KLRD1: variants seen among roughly 807,000 people sequenced by gnomAD.
KLRD1 encodes the protein killer cell lectin like receptor D1, also known as natural killer cells antigen CD94.
KLRD1 carries 21 observed loss-of-function variants against 22.6 expected under a neutral mutation model. The observed-to-expected ratio is 0.93, with a 90% CI of 0.66 to 1.34. KLRD1 has a LOEUF of 1.34. KLRD1 is among the 40% of genes most tolerant of loss of function. The pLI is 0.00. For missense variants in KLRD1, 183 were observed against 208.6 expected, an observed-to-expected ratio of 0.88 and a Z score of 0.76; for synonymous variants, 59 against 71.1, an observed-to-expected ratio of 0.83 and a Z score of 0.85.
Position 10,327,086 on chromosome 12 carries a change from A to G in KLRD1, c.*12293A>G, listed in dbSNP as rs1950368317. ...ATCCATTTGAAATTTATTTTTGCAT[A>G]TGGTGTAAGATAAGCAATTTCTTTG... On this transcript the variant is annotated 3_prime_UTR_variant, in exon 6 of 6. Coordinates refer to ENST00000336164, the MANE Select transcript of KLRD1 (RefSeq NM_002262.5). The G allele has an allele frequency of 6.6e-6, 1 of 152,176 alleles. No individual in the cohort carries two copies. Among genetic ancestry groups the G allele is most frequent in the African/African-American group, 2.4e-5 (1 of 41,450 alleles). The allele number at this position is 152,176 out of a possible 1,614,324, so 9.4% of individuals were successfully genotyped here.
intron 1 of KLRD1, among the ~76,000 whole-genome samples, chr12:10,289,062 A>G (rs1360810223): frequency 1.3e-5 from 2 of 152,168 alleles, no homozygotes; most frequent in African/African-American, 4.8e-5. Flanking sequence ...AGAGCTTTGC[A>G]ATGTAGACAG....
intron 1 of KLRD1, among the ~76,000 whole-genome samples, chr12:10,278,888 G>T (rs1164848785): frequency 6.6e-6 from 1 of 151,226 alleles, no homozygotes; most frequent in Non-Finnish European, 1.5e-5. Context: ...TTCTTAAAGG[G>T]AATGTTAAAT....
In KLRD1 at chr12:10,321,176, C is replaced by G. The variant is rs1298663206; in HGVS notation, c.*6383C>G. The G allele has an allele frequency of 2.0e-5, 3 of 152,178 alleles. No individual in the cohort carries two copies. Among genetic ancestry groups the G allele is most frequent in the African/African-American group, 7.2e-5 (3 of 41,422 alleles). The allele number at this position is 152,178 out of a possible 1,614,324, so 9.4% of individuals were successfully genotyped here. On this transcript the variant is annotated 3_prime_UTR_variant, in exon 6 of 6. Transcript: ENST00000336164. ...ATTTTAAATTATTATGCATCAGTGA[C>G]TCCTTTGTAATTCTCATGCCCCTCC...
rs1254290120 is a variant in KLRD1 at position 10,315,751 on chromosome 12, C to G, written c.*958C>G. 6.6e-6 allele frequency: 1 copy of G among 151,666 alleles called. No individual in the cohort carries two copies. Among genetic ancestry groups the G allele is most frequent in the Non-Finnish European group, 1.5e-5 (1 of 67,896 alleles). The allele number at this position is 151,666 out of a possible 1,614,324, so 9.4% of individuals were successfully genotyped here. ...TGATTTTAACACTTAGAGTGGTTTT[C>G]TCTGTTATGAATCAAAGCTGATCTA... is the stretch of plus-strand genomic sequence containing the variant. On this transcript the variant is annotated 3_prime_UTR_variant, in exon 6 of 6. Transcript: ENST00000336164.
At chr12:10,279,060 TG>T (rs1293267538) in intron 1 of KLRD1, among the ~76,000 whole-genome samples, 5 of 151,590 alleles carry the variant, frequency 3.3e-5, no homozygotes, top group Non-Finnish European at 5.9e-5. Context: ...TTGAGTATTC[TG>T]GGGATTTGGT....
At chr12:10,305,888 C>T (rs1949915144), upstream of KLRD1, among the ~76,000 whole-genome samples, 1 of 152,172 alleles carries the variant, frequency 6.6e-6, no homozygotes, top group South Asian at 2.1e-4. Context: ...AGAGGCCGGG[C>T]ACGGTGGCTC....
chr12:10,249,350 CAAAG>C (rs1442080890), intron 1 of KLRD1, among the ~76,000 whole-genome samples: 2 of 152,250 alleles, frequency 1.3e-5, no homozygotes, highest in Middle Eastern at 3.4e-3. Context: ...GAATTGCAAA[CAAAG>C]AAGACAGAAG....
At chr12:10,244,765 A>G (rs11053704) in intron 1 of KLRD1, among the ~76,000 whole-genome samples, 24,856 of 151,490 alleles carry the variant, frequency 0.16, 2,638 homozygotes, top group Non-Finnish European at 0.24. Flanking sequence ...CCTGGGCAAC[A>G]TGAGCGAAAC....
At chr12:10,256,165 T>G (rs1306444449) in intron 1 of KLRD1, among the ~76,000 whole-genome samples, 1 of 152,000 alleles carries the variant, frequency 6.6e-6, no homozygotes, top group East Asian at 1.9e-4. Flanking sequence ...TTGGAATATC[T>G]TTTCCATTCT....
rs375310490 is a variant in KLRD1, at chr12:10,311,506, G to A, written c.206G>A (p.Arg69Gln). 5.1e-5 allele frequency: 82 copies of A among 1,613,464 alleles called. No homozygotes were observed. The highest frequency in any genetic ancestry group is 4.4e-5 in the South Asian group (4 of 91,000). The change falls in exon 4 of 6, where the codon CGG becomes CAG. Residue 69 changes from arginine (R) to glutamine (Q), a missense_variant. Arg to Gln is a conservative substitution (Grantham distance 43). Transcript: ENST00000336164. Reference protein sequence around the residue: ...CSCQEKWVGYRCNCYFISSEQ... With the variant: ...CSCQEKWVGYQCNCYFISSEQ... The stretch of plus-strand genomic sequence containing the variant: ...TGCCAAGAAAAATGGGTTGGGTACC[G>A]GTGCAACTGTTACTTCATTTCCAGT...
upstream of KLRD1, among the ~76,000 whole-genome samples, chr12:10,307,157 T>C (rs1480489631): frequency 6.6e-6 from 1 of 152,182 alleles, no homozygotes; most frequent in East Asian, 1.9e-4. Flanking sequence ...TGAAAAAGTG[T>C]ATATCGAAGT....
chr12:10,276,532 T>C (rs1318306704), intron 1 of KLRD1, among the ~76,000 whole-genome samples: 1 of 152,092 alleles, frequency 6.6e-6, no homozygotes, highest in Non-Finnish European at 1.5e-5. Flanking sequence ...TTTTTCTTTT[T>C]CTTTTTTTCT....
chr12:10,272,215 C>T (rs893671822), intron 1 of KLRD1, among the ~76,000 whole-genome samples: 6 of 152,106 alleles, frequency 3.9e-5, no homozygotes, highest in African/African-American at 1.4e-4. Flanking sequence ...AAATAAATTC[C>T]TTCCACAACA....
At chr12:10,300,601 A>C (rs1356215201), upstream of KLRD1, among the ~76,000 whole-genome samples, 1 of 152,238 alleles carries the variant, frequency 6.6e-6, no homozygotes, top group Non-Finnish European at 1.5e-5. Flanking sequence ...CAGAAAAATA[A>C]GTGAGCAATG....
rs75460018 is a variant in KLRD1, at chr12:10,264,841, A to G, written c.-101+38608A>G. On this transcript the variant is annotated intron_variant, in intron 1 of 5. Transcript: ENST00000544747. ...ACTGAAAGTTTGTATCCTTTGACCG[A>G]TATCTCTCCATTTCTTCTACTGCCT... Among the ~76,000 whole-genome samples the G allele has an allele frequency of 3.9e-3, 597 of 152,128 alleles. 18 individuals carry two copies. The East Asian group carries it at 0.068, about 17-fold the overall frequency.
chr12:10,279,656 A>T (rs1420971505), intron 1 of KLRD1, among the ~76,000 whole-genome samples: 4 of 152,206 alleles, frequency 2.6e-5, no homozygotes, highest in Non-Finnish European at 5.9e-5. Flanking sequence ...TGTTCAGAAC[A>T]TGATTATAAT....
chr12:10,281,904 A>C (rs1019885536), intron 1 of KLRD1, among the ~76,000 whole-genome samples: 7 of 152,162 alleles, frequency 4.6e-5, no homozygotes, highest in Admixed American at 2.0e-4. Context: ...ATAAACTTAC[A>C]CGGCAGTATT....
At chr12:10,286,896 T>C (rs1179647648) in intron 1 of KLRD1, among the ~76,000 whole-genome samples, 1 of 151,992 alleles carries the variant, frequency 6.6e-6, no homozygotes, top group Non-Finnish European at 1.5e-5. Context: ...CCCAGCACTC[T>C]GGGAGGCGAG....
intron 1 of KLRD1, among the ~76,000 whole-genome samples, chr12:10,242,851 A>T (rs1022463483): frequency 6.6e-6 from 1 of 152,168 alleles, no homozygotes; most frequent in African/African-American, 2.4e-5. Context: ...CTTTTGCAGC[A>T]TTATTTACAA....
Sources: gnomAD v4.1 joint callset for allele counts (sites outside exome capture counted in the v4.1 genomes callset) on GRCh38, gnomAD v4.1.1 for gene constraint, MANE v1.5 for transcripts, NCBI Gene and HGNC (gene_info 2026-07-23, HGNC 2026-07-21) for gene names.